SLC5A7: variants seen among roughly 807,000 people sequenced by gnomAD.
The protein encoded by SLC5A7 is high affinity choline transporter 1.
SLC5A7 carries 19 observed loss-of-function variants against 55.4 expected under a neutral mutation model. The ratio of observed to expected loss-of-function variants is 0.34; its 90% CI spans 0.24 to 0.50. SLC5A7 has a LOEUF of 0.50. Ranked by LOEUF, SLC5A7 falls within the 20% of genes least tolerant of loss-of-function variation. SLC5A7 has a pLI of 0.98. For synonymous variants in SLC5A7, 265 were observed against 263.7 expected, an observed-to-expected ratio of 1.00 and a Z score of -0.05; for missense variants, 506 against 705.3, an observed-to-expected ratio of 0.72 and a Z score of 3.20.
At chr2:107,990,235 G>A (rs1030566871) in intron 2 of SLC5A7, among the ~76,000 whole-genome samples, 1 of 152,016 alleles carries the variant, frequency 6.6e-6, no homozygotes, top group Non-Finnish European at 1.5e-5. Flanking sequence ...ATTATAAAGG[G>A]GACTTTTAAA....
At chr2:107,990,178 T>G (rs531561860) in intron 2 of SLC5A7, among the ~76,000 whole-genome samples, 2 of 152,140 alleles carry the variant, frequency 1.3e-5, no homozygotes, top group Non-Finnish European at 2.9e-5. Context: ...TGACACAAAA[T>G]ATACAAACAA....
In SLC5A7 at chr2:107,997,647, G is replaced by T. The variant is rs550173025; in HGVS notation, c.449-191G>T. 1.3e-3 allele frequency among the ~76,000 whole-genome samples: 191 copies of T among 152,250 alleles called. 6 individuals carry two copies. The South Asian group carries it at 0.031, about 25-fold the overall frequency. ...AAACCAGTAATTTCAGAAAGAAAAA[G>T]TATGTATCTCACTGAATTTATTAAG... On this transcript the variant is annotated intron_variant, in intron 4 of 8. Transcript: ENST00000264047.
intron 4 of SLC5A7, among the ~76,000 whole-genome samples, chr2:107,994,703 AC>A (rs900199506): frequency 3.3e-5 from 5 of 152,074 alleles, no homozygotes; most frequent in African/African-American, 4.8e-5. Flanking sequence ...GTAAAACTAC[AC>A]CTCCCTTTCC....
Position 108,008,434 on chromosome 2 carries a change from G to A in SLC5A7, c.896-31G>A, listed in dbSNP as rs767825107. ...GATAAAGAACATTTGGTTCCTTGGT[G>A]GTTATAATGGTTGTTGATTCTGTTC... On this transcript the variant is annotated intron_variant, in intron 7 of 8. Coordinates refer to ENST00000264047, the MANE Select transcript of SLC5A7 (RefSeq NM_021815.5). 32 of 1,573,426 alleles carry A rather than the reference G, an allele frequency of 2.0e-5. 1 individual carries two copies. The South Asian group carries it at 3.4e-4, about 17-fold the overall frequency.
chr2:107,992,595 A>T (rs557873264), intron 3 of SLC5A7, among the ~76,000 whole-genome samples: 1 of 152,348 alleles, frequency 6.6e-6, no homozygotes, highest in South Asian at 2.1e-4. Context: ...ATTATATAAC[A>T]GAAGGTACCT....
At chr2:107,991,698 T>G (rs1004276490) in intron 2 of SLC5A7, among the ~76,000 whole-genome samples, 5 of 151,960 alleles carry the variant, frequency 3.3e-5, no homozygotes, top group Admixed American at 3.3e-4. Context: ...TAAAGAAAAT[T>G]TACCCCTTGA....
At chr2:107,994,446 G>A (rs567045310) in intron 4 of SLC5A7, among the ~76,000 whole-genome samples, 16 of 152,220 alleles carry the variant, frequency 1.1e-4, no homozygotes, top group East Asian at 3.9e-4. Flanking sequence ...AGCCAGGCGT[G>A]GTGGCGGGCG....
chr2:107,988,354 C>T, intron 2 of SLC5A7, 21 bp downstream of exon 2: 1 of 1,595,412 alleles, frequency 6.3e-7, no homozygotes, highest in Non-Finnish European at 8.6e-7. Flanking sequence ...ACGCCGCCGG[C>T]TCCATGCAGT....
At chr2:108,008,320 T>C (rs944512894) in intron 7 of SLC5A7, 145 bp from the exon 8 acceptor site, 8 of 627,746 alleles carry the variant, frequency 1.3e-5, no homozygotes, top group Non-Finnish European at 1.7e-5. Context: ...ACATTTCCAC[T>C]TGACCAGCAC....
intron 5 of SLC5A7, among the ~76,000 whole-genome samples, chr2:107,998,628 T>C (rs1188659901): frequency 6.6e-6 from 1 of 152,220 alleles, no homozygotes; most frequent in South Asian, 2.1e-4. Flanking sequence ...CAGTTATGCA[T>C]ATAATATTCA....
chr2:108,006,467 G>T (rs765305439), intron 7 of SLC5A7, among the ~76,000 whole-genome samples: 1 of 147,156 alleles, frequency 6.8e-6, no homozygotes, highest in Non-Finnish European at 1.5e-5. Context: ...TGATCCATCT[G>T]CCTCGGTCTC....
intron 4 of SLC5A7, among the ~76,000 whole-genome samples, chr2:107,996,931 G>A (rs1374416753): frequency 1.3e-5 from 2 of 152,098 alleles, no homozygotes; most frequent in East Asian, 1.9e-4. Context: ...AATTAAAGAG[G>A]GAGAAATTGA....
At position 107,988,194 on chromosome 2, in the gene SLC5A7, G is replaced by T; in HGVS notation, c.39G>T (p.Val13=). The T allele has an allele frequency of 6.2e-7, 1 of 1,614,170 alleles. No homozygotes were observed. Among genetic ancestry groups the T allele is most frequent in the Non-Finnish European group, 8.5e-7 (1 of 1,180,016 alleles). Residue 13 remains valine (V), a synonymous_variant, in exon 2 of 9, where the codon GTG becomes GTT. Coordinates refer to ENST00000264047, the MANE Select transcript of SLC5A7 (RefSeq NM_021815.5). ...FHVEGLIAII[V]FYLLILLVGI... ...TGGAAGGACTGATAGCTATCATCGT[G>T]TTCTACCTTCTAATTTTGCTGGTTG...
intron 7 of SLC5A7, among the ~76,000 whole-genome samples, chr2:108,006,642 C>T (rs1159022760): frequency 6.6e-6 from 1 of 152,160 alleles, no homozygotes; most frequent in East Asian, 1.9e-4. Flanking sequence ...AACCAAGGTG[C>T]ATGCTGACAT....
chr2:108,001,402 G>A (rs1270923557), intron 5 of SLC5A7, among the ~76,000 whole-genome samples: 1 of 152,028 alleles, frequency 6.6e-6, no homozygotes, highest in African/African-American at 2.4e-5. Flanking sequence ...GGCCGGGCGC[G>A]GTGGCTCACG....
intron 8 of SLC5A7, among the ~76,000 whole-genome samples, chr2:108,009,953 G>C (rs1052570465): frequency 6.6e-6 from 1 of 152,118 alleles, no homozygotes; most frequent in Non-Finnish European, 1.5e-5. Context: ...CACCATGTTA[G>C]CTCATCCTGC....
intron 7 of SLC5A7, among the ~76,000 whole-genome samples, chr2:108,007,037 A>T (rs1678151528): frequency 6.6e-6 from 1 of 152,238 alleles, no homozygotes. Context: ...GCCTCTATGT[A>T]GAACATGTTC....
At chr2:108,000,651 G>A (rs1186136839) in intron 5 of SLC5A7, among the ~76,000 whole-genome samples, 2 of 152,056 alleles carry the variant, frequency 1.3e-5, no homozygotes, top group Non-Finnish European at 2.9e-5. Flanking sequence ...CTGGAGTGCA[G>A]TGGCTCAATT....
At chr2:107,991,358 TA>T in intron 2 of SLC5A7, among the ~76,000 whole-genome samples, 1 of 152,344 alleles carries the variant, frequency 6.6e-6, no homozygotes, top group East Asian at 1.9e-4. Flanking sequence ...GTTCACATTT[TA>T]CCTTCTTCTG....
Sources: gnomAD v4.1 joint callset for allele counts (sites outside exome capture counted in the v4.1 genomes callset) on GRCh38, gnomAD v4.1.1 for gene constraint, MANE v1.5 for transcripts, NCBI Gene and HGNC (gene_info 2026-07-23, HGNC 2026-07-21) for gene names.